The following CAMTA1 variants were observed in gnomAD, a reference collection of about 807,000 sequenced individuals.
CAMTA1 encodes the protein calmodulin binding transcription activator 1, also known as calmodulin-binding transcription activator 1.
In CAMTA1, 27 loss-of-function variants were observed where a neutral mutation model predicts 170.9. The observed-to-expected ratio is 0.16, with a 90% CI of 0.12 to 0.22. The LOEUF (loss-of-function observed/expected upper bound fraction) is 0.22. CAMTA1 is among the 10% of genes least tolerant of loss of function. The pLI is 1.00. For synonymous variants in CAMTA1, 833 were observed against 891.5 expected, an observed-to-expected ratio of 0.93 and a Z score of 1.17; for missense variants, 1,619 against 2,217.2, an observed-to-expected ratio of 0.73 and a Z score of 5.42.
chr1:7,357,417 G>A (rs527992024), intron 5 of CAMTA1, among the ~76,000 whole-genome samples: 10 of 152,304 alleles, frequency 6.6e-5, no homozygotes, highest in East Asian at 3.9e-4. Flanking sequence ...CCCCCTTGCC[G>A]GGCTCTCAAG....
chr1:7,364,739 G>C (rs56099822), intron 5 of CAMTA1, among the ~76,000 whole-genome samples: 1 of 152,156 alleles, frequency 6.6e-6, no homozygotes, highest in Non-Finnish European at 1.5e-5. Flanking sequence ...TGTGCTGTGG[G>C]CTCTGGGGCT....
intron 4 of CAMTA1, among the ~76,000 whole-genome samples, chr1:7,172,524 C>T (rs1485385725): frequency 6.6e-6 from 1 of 152,144 alleles, no homozygotes; most frequent in Non-Finnish European, 1.5e-5. Context: ...GCATGACAGG[C>T]CTTGGAATGA....
At chr1:7,263,177 G>A (rs575006350) in intron 5 of CAMTA1, among the ~76,000 whole-genome samples, 3 of 152,012 alleles carry the variant, frequency 2.0e-5, no homozygotes, top group South Asian at 2.1e-4. Flanking sequence ...TAGTAACTTC[G>A]TCTATAACTT....
At chr1:6,977,632 G>A (rs1017881547) in intron 3 of CAMTA1, among the ~76,000 whole-genome samples, 2 of 152,156 alleles carry the variant, frequency 1.3e-5, no homozygotes, top group Admixed American at 6.5e-5. Flanking sequence ...GAGCCACTGC[G>A]CCCAGCCTGG....
At chr1:6,969,928 A>C (rs2149575992) in intron 3 of CAMTA1, among the ~76,000 whole-genome samples, 1 of 152,206 alleles carries the variant, frequency 6.6e-6, no homozygotes, top group Middle Eastern at 3.4e-3. Flanking sequence ...CCAGATGTCG[A>C]TACAGTGCAC....
chr1:7,605,908 A>C (rs2095482667), intron 6 of CAMTA1, among the ~76,000 whole-genome samples: 2 of 152,344 alleles, frequency 1.3e-5, no homozygotes, highest in South Asian at 4.1e-4. Context: ...TGGCCTAGTC[A>C]AGCTGACACA....
rs372060119 is a variant in CAMTA1, at chr1:7,681,104, C to A, written c.2914+3371C>A. On this transcript the variant is annotated intron_variant, in intron 11 of 22. Coordinates refer to ENST00000303635, the MANE Select transcript of CAMTA1 (RefSeq NM_015215.4). The surrounding 1 kb of genome is among the most constrained non-coding windows in gnomAD (Gnocchi z 4.6). ...GGAGGAATCGCAGCCTTCTGGATCC[C>A]GGAGCTGCAGCGCCTCCCCCAGACC... 3.3e-5 allele frequency among the ~76,000 whole-genome samples: 5 copies of A among 152,208 alleles called. No homozygotes were observed. The East Asian group carries it at 7.8e-4, about 24-fold the overall frequency.
intron 1 of CAMTA1, among the ~76,000 whole-genome samples, chr1:6,791,972 CT>C (rs112975416): frequency 1.5e-3 from 212 of 143,294 alleles, no homozygotes; most frequent in Admixed American, 1.7e-3. Context: ...TGTTTCTTTT[CT>C]TTTTTTTTTT....
Position 7,365,534 on chromosome 1 carries a change from C to A in CAMTA1, c.439-102296C>A, listed in dbSNP as rs143846270. ...GCGTCTTCTTTCCCTAGGCCCCGCG[C>A]CTGGGTGTGGACTTCCCTGGGCCTG... On this transcript the variant is annotated intron_variant, in intron 5 of 22. Coordinates refer to ENST00000303635, the MANE Select transcript of CAMTA1 (RefSeq NM_015215.4). Among the ~76,000 whole-genome samples the A allele has an allele frequency of 5.4e-3, 823 of 152,270 alleles. 8 individuals carry two copies. The highest frequency in any genetic ancestry group is 0.019 in the African/African-American group (781 of 41,532).
chr1:6,952,378 C>G (rs998763019), intron 3 of CAMTA1, among the ~76,000 whole-genome samples: 1 of 132,896 alleles, frequency 7.5e-6, no homozygotes, highest in African/African-American at 2.9e-5. Flanking sequence ...TTGCAGTGAG[C>G]CAAGATTGCA....
chr1:7,717,064 T>G (rs1277589868), intron 11 of CAMTA1, among the ~76,000 whole-genome samples: 1 of 152,036 alleles, frequency 6.6e-6, no homozygotes, highest in Non-Finnish European at 1.5e-5. Context: ...GGCAGAGTCT[T>G]AAAAAGTTGA....
At position 7,732,817 on chromosome 1, in the gene CAMTA1, C is replaced by T. The variant is rs1283385044; in HGVS notation, c.3066+218C>T. ...ATGTGGAGCTTCTCAGTTGTTTACCCCCCTAATCCTTAAGTTATCTCTATT... is the reference window on the plus strand; with the variant it reads ...ATGTGGAGCTTCTCAGTTGTTTACCTCCCTAATCCTTAAGTTATCTCTATT... On this transcript the variant is annotated intron_variant, in intron 12 of 22. Coordinates refer to ENST00000303635, the MANE Select transcript of CAMTA1 (RefSeq NM_015215.4). This position sits in a 1 kb window ranked among gnomAD's most constrained non-coding sequence, Gnocchi z 4.1. 6.6e-6 allele frequency among the ~76,000 whole-genome samples: 1 copy of T among 152,072 alleles called. No individual in the cohort carries two copies. Among genetic ancestry groups the T allele is most frequent in the Non-Finnish European group, 1.5e-5 (1 of 68,020 alleles).
At chr1:7,630,574 A>G (rs909756881) in intron 6 of CAMTA1, among the ~76,000 whole-genome samples, 1 of 152,228 alleles carries the variant, frequency 6.6e-6, no homozygotes, top group Admixed American at 6.5e-5. Flanking sequence ...TTTCATCTTC[A>G]GACCACTTTA....
chr1:6,935,451 T>G (rs1352728521), intron 3 of CAMTA1, among the ~76,000 whole-genome samples: 1 of 152,202 alleles, frequency 6.6e-6, no homozygotes, highest in Non-Finnish European at 1.5e-5. Flanking sequence ...CATCTCTGTC[T>G]GCTCCAGTCG....
intron 6 of CAMTA1, among the ~76,000 whole-genome samples, chr1:7,594,200 G>GGGAT (rs147277601): frequency 2.6e-5 from 3 of 113,670 alleles, no homozygotes; most frequent in Non-Finnish European, 1.8e-5. Flanking sequence ...AAGGAGGGAG[G>GGGAT]GGAAGGAAGG....
rs1370540753 is a variant in CAMTA1, at chr1:7,162,299, T to C, written c.302+70928T>C. On this transcript the variant is annotated intron_variant, in intron 4 of 22. Coordinates refer to ENST00000303635, the MANE Select transcript of CAMTA1 (RefSeq NM_015215.4). The stretch of plus-strand genomic sequence containing the variant: ...GGTTTTAACCAAGGGAGTTCCACAG[T>C]TGGACATAATCCTCATATAATACAA... Among the ~76,000 whole-genome samples, 4 of 152,208 alleles carry C rather than the reference T, an allele frequency of 2.6e-5. No homozygotes were observed. The East Asian group carries it at 7.7e-4, about 29-fold the overall frequency.
At position 6,936,418 on chromosome 1, in the gene CAMTA1, G is replaced by A. The variant is rs1287167513; in HGVS notation, c.234+111208G>A. 3.3e-5 allele frequency among the ~76,000 whole-genome samples: 5 copies of A among 152,104 alleles called. No individual in the cohort carries two copies. In the East Asian group the frequency reaches 9.6e-4, roughly 29 times the overall value. Reference sequence around the variant, plus strand: ...GAGATGATGCTGAGTGTTTCTGGTGGTGCCTGGTGTCACTGGTGGCCAGAG... The same window carrying A: ...GAGATGATGCTGAGTGTTTCTGGTGATGCCTGGTGTCACTGGTGGCCAGAG... On this transcript the variant is annotated intron_variant, in intron 3 of 22. Transcript: ENST00000303635.
At chr1:6,983,087 T>C (rs1428438789) in intron 3 of CAMTA1, among the ~76,000 whole-genome samples, 1 of 152,202 alleles carries the variant, frequency 6.6e-6, no homozygotes, top group Non-Finnish European at 1.5e-5. Context: ...CACCAGGACT[T>C]ACAGAACATT....
At chr1:7,425,517 C>T (rs536165881) in intron 5 of CAMTA1, among the ~76,000 whole-genome samples, 3 of 152,214 alleles carry the variant, frequency 2.0e-5, no homozygotes, top group Non-Finnish European at 2.9e-5. Flanking sequence ...TCAGAGCAGC[C>T]TCCATGGCAG....
Sources: gnomAD v4.1 joint callset for allele counts (sites outside exome capture counted in the v4.1 genomes callset) on GRCh38, gnomAD v4.1.1 for gene constraint, Gnocchi (gnomAD v3.1) non-coding constraint, MANE v1.5 for transcripts, NCBI Gene and HGNC (gene_info 2026-07-23, HGNC 2026-07-21) for gene names.